CSMD1: variants seen among roughly 807,000 people sequenced by gnomAD.
CSMD1 encodes CUB and Sushi multiple domains 1.
In CSMD1, 213 loss-of-function variants were observed where a neutral mutation model predicts 417.5. The ratio of observed to expected loss-of-function variants is 0.51; its 90% CI spans 0.46 to 0.57. The LOEUF (loss-of-function observed/expected upper bound fraction) is 0.57. CSMD1 is among the 20% of genes least tolerant of loss of function. The probability of loss-of-function intolerance (pLI) is 0.00; values close to 1 mark genes in which losing one functional copy is unlikely to be tolerated. For synonymous variants in CSMD1, 2,862 were observed against 1,736.8 expected (o/e 1.65, Z -16.11); for missense variants, 6,923 against 4,529.7 (o/e 1.53, Z -15.17).
intron 1 of CSMD1, among the ~76,000 whole-genome samples, chr8:4,865,898 AG>A (rs1802397983): frequency 6.6e-6 from 1 of 151,920 alleles, no homozygotes; most frequent in East Asian, 1.9e-4. Flanking sequence ...TAGGTTTGAA[AG>A]AAAAATCACT....
At chr8:4,860,889 C>T (rs1027499553) in intron 1 of CSMD1, among the ~76,000 whole-genome samples, 2 of 152,044 alleles carry the variant, frequency 1.3e-5, no homozygotes, top group South Asian at 4.1e-4. Context: ...CTAGAGAAAC[C>T]TTCCTCTGAC....
chr8:4,385,985 A>T (rs181384966), intron 3 of CSMD1, among the ~76,000 whole-genome samples: 1 of 150,698 alleles, frequency 6.6e-6, no homozygotes, highest in Non-Finnish European at 1.5e-5. Flanking sequence ...CTTTAAGTTC[A>T]TTTCCTCTGT....
chr8:4,192,940 G>T (rs7003230), intron 3 of CSMD1, among the ~76,000 whole-genome samples: 7 of 152,054 alleles, frequency 4.6e-5, no homozygotes, highest in African/African-American at 1.5e-4. Context: ...TTTTCTGTAC[G>T]TGGTGCTACC....
At chr8:2,958,252 T>C (rs1365700547) in intron 62 of CSMD1, among the ~76,000 whole-genome samples, 1 of 152,220 alleles carries the variant, frequency 6.6e-6, no homozygotes, top group African/African-American at 2.4e-5. Flanking sequence ...TTTCTGATGC[T>C]TCAAACTGTA....
intron 3 of CSMD1, among the ~76,000 whole-genome samples, chr8:4,269,073 T>C (rs1804404384): frequency 6.6e-6 from 1 of 152,226 alleles, no homozygotes; most frequent in Admixed American, 6.5e-5. Context: ...GTTTTTGTTT[T>C]TGAGACGGAG....
intron 1 of CSMD1, among the ~76,000 whole-genome samples, chr8:4,754,102 G>A (rs916648625): frequency 1.5e-4 from 23 of 152,024 alleles, no homozygotes; most frequent in African/African-American, 4.8e-4. Context: ...AATATGAATC[G>A]TATGTTACAT....
At chr8:3,159,830 T>G (rs1479226906) in intron 38 of CSMD1, among the ~76,000 whole-genome samples, 1 of 152,194 alleles carries the variant, frequency 6.6e-6, no homozygotes, top group African/African-American at 2.4e-5. Flanking sequence ...ATAAGAAATT[T>G]CTTTGGTAAA....
chr8:4,531,832 T>C (rs1796831317), intron 2 of CSMD1, among the ~76,000 whole-genome samples: 1 of 152,194 alleles, frequency 6.6e-6, no homozygotes. Flanking sequence ...GAAACTTTTA[T>C]CACTTTGAAA....
intron 7 of CSMD1, among the ~76,000 whole-genome samples, chr8:3,618,795 C>A (rs944753529): frequency 2.6e-5 from 4 of 152,196 alleles, no homozygotes; most frequent in Non-Finnish European, 5.9e-5. Context: ...ATGTCTTACT[C>A]TCCCTTGTTT....
chr8:4,947,072 A>G lies in CSMD1; in HGVS notation c.85+47260T>C, dbSNP rs536200287. 1.6e-4 allele frequency among the ~76,000 whole-genome samples: 24 copies of G among 152,332 alleles called. No homozygotes were observed. The South Asian group carries it at 5.0e-3, about 32-fold the overall frequency. The stretch of plus-strand genomic sequence containing the variant: ...TGTTGCAAATGCTACAGAATTTGTA[A>G]TAGGATAATCCATTTGTAGTTACAT... On this transcript the variant is annotated intron_variant, in intron 1 of 69. Coordinates refer to ENST00000635120, the MANE Select transcript of CSMD1 (RefSeq NM_033225.6).
At chr8:4,404,055 C>T (rs573053535) in intron 3 of CSMD1, among the ~76,000 whole-genome samples, 7 of 152,290 alleles carry the variant, frequency 4.6e-5, no homozygotes, top group South Asian at 2.1e-4. Flanking sequence ...TATCCAAAAA[C>T]ACTCTACGCC....
intron 5 of CSMD1, among the ~76,000 whole-genome samples, chr8:3,970,010 A>G (rs961733135): frequency 3.5e-4 from 53 of 152,224 alleles, no homozygotes; most frequent in Admixed American, 3.0e-3. Context: ...TAATTTGGCA[A>G]TAATTCTTTC....
chr8:4,715,634 C>T (rs1324140259), intron 1 of CSMD1, among the ~76,000 whole-genome samples: 2 of 152,108 alleles, frequency 1.3e-5, no homozygotes, highest in African/African-American at 4.8e-5. Flanking sequence ...CTGATTTTTC[C>T]CTTCAAAATC....
chr8:4,201,491 T>C (rs942261391), intron 3 of CSMD1, among the ~76,000 whole-genome samples: 8 of 122,466 alleles, frequency 6.5e-5, no homozygotes, highest in African/African-American at 1.6e-4. Context: ...TGAGCCGACA[T>C]AGCGCCACTG....
At chr8:3,944,438 A>C (rs990722529) in intron 5 of CSMD1, among the ~76,000 whole-genome samples, 1 of 152,186 alleles carries the variant, frequency 6.6e-6, no homozygotes, top group African/African-American at 2.4e-5. Flanking sequence ...AACTGATAAA[A>C]TAAGCCTTTC....
At position 4,612,454 on chromosome 8, in the gene CSMD1, T is replaced by A. The variant is rs72507692; in HGVS notation, c.302+24888A>T. ...TAATAGGGAAGATGCCACCTACCTG[T>A]GTCCTTCTCAAGAACTCTGAGGTCA... On this transcript the variant is annotated intron_variant, in intron 2 of 69. Transcript: ENST00000635120. 7.0e-3 allele frequency among the ~76,000 whole-genome samples: 1,072 copies of A among 152,330 alleles called. 101 individuals carry two copies. In the East Asian group the frequency reaches 0.18, roughly 26 times the overall value.
At chr8:2,979,660 C>G (rs1373202274) in intron 54 of CSMD1, among the ~76,000 whole-genome samples, 1 of 152,250 alleles carries the variant, frequency 6.6e-6, no homozygotes, top group Admixed American at 6.5e-5. Flanking sequence ...GAAGACAAAC[C>G]CTGTACCCAA....
At chr8:4,089,495 G>C (rs761648662) in intron 3 of CSMD1, among the ~76,000 whole-genome samples, 12 of 152,062 alleles carry the variant, frequency 7.9e-5, no homozygotes, top group Non-Finnish European at 1.2e-4. Flanking sequence ...ATATAAAAAA[G>C]TGACACATTC....
At chr8:3,746,858 G>C (rs192722684) in intron 6 of CSMD1, among the ~76,000 whole-genome samples, 7 of 152,252 alleles carry the variant, frequency 4.6e-5, no homozygotes, top group Admixed American at 6.5e-5. Context: ...ATAGGGTGGG[G>C]CTAAGAAATT....
Sources: allele counts gnomAD v4.1 joint callset (sites outside exome capture counted in the v4.1 genomes callset), GRCh38; gene constraint gnomAD v4.1.1; transcripts MANE v1.5; gene names NCBI Gene and HGNC (gene_info 2026-07-23, HGNC 2026-07-21).